CSN1S1: variants seen among roughly 807,000 people sequenced by gnomAD.
CSN1S1 encodes the protein casein alpha s1, also known as alpha-S1-casein.
In CSN1S1, 63 loss-of-function variants were observed where a neutral mutation model predicts 49.1. The observed-to-expected ratio is 1.28, with a 90% CI of 1.05 to 1.58. The LOEUF (loss-of-function observed/expected upper bound fraction) is 1.58, where lower values mean the gene tolerates loss of function less well. CSN1S1 is among the 40% of genes most tolerant of loss of function. CSN1S1 has a pLI of 0.00. For synonymous variants in CSN1S1, 78 were observed against 67.1 expected, an observed-to-expected ratio of 1.16 and a Z score of -0.79; for missense variants, 260 against 224.7, an observed-to-expected ratio of 1.16 and a Z score of -1.01.
intron 12 of CSN1S1, 80 bp from the exon 13 acceptor site, chr4:69,941,966 A>C: frequency 1.1e-6 from 1 of 883,352 alleles, no homozygotes; most frequent in Non-Finnish European, 1.7e-6. Context: ...CCCTGAACAA[A>C]TGAAGGTACC....
chr4:69,945,127 G>T (rs780557916), intron 15 of CSN1S1, 123 bp downstream of exon 15: 1 of 988,594 alleles, frequency 1.0e-6, no homozygotes, highest in Non-Finnish European at 1.5e-6. Context: ...TACTGCAAAG[G>T]ACTAATATGT....
intron 13 of CSN1S1, 163 bp from the exon 14 acceptor site, chr4:69,942,373 A>G (rs1722999014): frequency 5.9e-6 from 4 of 678,036 alleles, no homozygotes; most frequent in Non-Finnish European, 5.0e-6. Flanking sequence ...TTCTGACATT[A>G]GAAAATAAAA....
At chr4:69,941,870 G>C (rs1465646048) in intron 12 of CSN1S1, among the ~76,000 whole-genome samples, 176 bp from the exon 13 acceptor site, 1 of 151,790 alleles carries the variant, frequency 6.6e-6, no homozygotes, top group Non-Finnish European at 1.5e-5. Flanking sequence ...TGGCTAGTCT[G>C]TAACCTCCAC....
Position 69,940,125 on chromosome 4 carries a change from A to T in CSN1S1, c.300+81A>T, listed in dbSNP as rs1722928980. Reference sequence around the variant, plus strand: ...TGCACTTACTTTCACACACACACACACACACACACACACACACACACACAC... The same window carrying T: ...TGCACTTACTTTCACACACACACACTCACACACACACACACACACACACAC... On this transcript the variant is annotated intron_variant, in intron 11 of 15. Coordinates refer to ENST00000246891, the MANE Select transcript of CSN1S1 (RefSeq NM_001890.2). The T allele has an allele frequency of 1.6e-5, 8 of 498,510 alleles. 1 individual carries two copies. Among genetic ancestry groups the T allele is most frequent in the African/African-American group, 6.1e-5 (3 of 49,492 alleles). The allele number at this position is 498,510 out of a possible 1,614,324, so 30.9% of individuals were successfully genotyped here.
At chr4:69,938,991 C>T (rs991115103) in intron 9 of CSN1S1, among the ~76,000 whole-genome samples, 185 bp from the exon 10 acceptor site, 11 of 151,638 alleles carry the variant, frequency 7.3e-5, no homozygotes, top group African/African-American at 2.4e-4. Context: ...AAACCTACCA[C>T]CATAATTTTT....
chr4:69,941,021 AC>A lies in CSN1S1; in HGVS notation c.304del (p.Gln102SerfsTer5). 1 of 1,507,720 alleles carries A rather than the reference AC, an allele frequency of 6.6e-7. No individual in the cohort carries two copies. The allele number at this position is 1,507,720 out of a possible 1,614,324, so 93.4% of individuals were successfully genotyped here. On this transcript the variant is annotated frameshift_variant, in exon 12 of 16. Coordinates refer to ENST00000246891, the MANE Select transcript of CSN1S1 (RefSeq NM_001890.2). LOFTEE classifies it high-confidence loss of function. ...EEMSLSKCAE[Q>X]FCRLNEYNQL... ...AGAATATTTTTCTTTTTAAATAGGA[AC>A]AGTTTTGTAGACTGAACGAATACAA...
At chr4:69,932,105 T>A (rs1348831238) in intron 1 of CSN1S1, among the ~76,000 whole-genome samples, 1 of 151,934 alleles carries the variant, frequency 6.6e-6, no homozygotes, top group Non-Finnish European at 1.5e-5. Flanking sequence ...TTTCAAAACT[T>A]TTCAATAAAA....
intron 14 of CSN1S1, among the ~76,000 whole-genome samples, chr4:69,943,124 G>T (rs1723028030): frequency 6.7e-6 from 1 of 149,538 alleles, no homozygotes. Context: ...CTCTTCATTT[G>T]GGCCCCAAAG....
At chr4:69,942,627 A>C in intron 14 of CSN1S1, 50 bp downstream of exon 14, 1 of 1,444,130 alleles carries the variant, frequency 6.9e-7, no homozygotes, top group Non-Finnish European at 9.5e-7. Flanking sequence ...TGTTAAGCTT[A>C]AATATGTTTG....
chr4:69,932,889 T>C (rs1722652656), intron 2 of CSN1S1, among the ~76,000 whole-genome samples: 1 of 151,946 alleles, frequency 6.6e-6, no homozygotes. Flanking sequence ...AATAAGGTAA[T>C]GCACAACATA....
chr4:69,942,849 A>G lies in CSN1S1; in HGVS notation c.402+272A>G, dbSNP rs1220857. 4.5e-3 allele frequency among the ~76,000 whole-genome samples: 688 copies of G among 152,016 alleles called. 3 individuals carry two copies. The highest frequency in any genetic ancestry group is 0.017 in the Middle Eastern group (5 of 294). On this transcript the variant is annotated intron_variant, in intron 14 of 15. Coordinates refer to ENST00000246891, the MANE Select transcript of CSN1S1 (RefSeq NM_001890.2). ...AAAACTCCCATGTCTTGATGTTTAC[A>G]GTGACATATTGTGTCTTCACATTTA...
chr4:69,936,683 A>T, intron 7 of CSN1S1, 76 bp downstream of exon 7: 1 of 1,366,434 alleles, frequency 7.3e-7, no homozygotes, highest in Non-Finnish European at 1.0e-6. Flanking sequence ...CCTTTAGGAA[A>T]AAAAAGCATT....
intron 14 of CSN1S1, among the ~76,000 whole-genome samples, chr4:69,943,339 G>A (rs77760487): frequency 9.2e-5 from 14 of 151,708 alleles, no homozygotes; most frequent in East Asian, 7.8e-4. Flanking sequence ...CAAGCATCAC[G>A]ATGCCCAGCT....
intron 4 of CSN1S1, among the ~76,000 whole-genome samples, chr4:69,935,426 TGTG>T (rs1243293904): frequency 6.6e-6 from 1 of 150,990 alleles, no homozygotes; most frequent in Non-Finnish European, 1.5e-5. Flanking sequence ...GGCATGCACT[TGTG>T]GTTCCAGCTA....
At chr4:69,932,992 CTT>C (rs1438985565) in intron 2 of CSN1S1, among the ~76,000 whole-genome samples, 1 of 151,866 alleles carries the variant, frequency 6.6e-6, no homozygotes, top group African/African-American at 2.4e-5. Flanking sequence ...TCCAACATTT[CTT>C]TACCAAATAT....
At chr4:69,934,290 G>A in intron 3 of CSN1S1, 46 bp downstream of exon 3, 4 of 1,573,536 alleles carry the variant, frequency 2.5e-6, no homozygotes, top group Non-Finnish European at 3.5e-6. Context: ...TAATTGTGAA[G>A]CACAAACTCC....
intron 7 of CSN1S1, 49 bp downstream of exon 7, chr4:69,936,656 AG>A: frequency 6.6e-7 from 1 of 1,517,126 alleles, no homozygotes; most frequent in Non-Finnish European, 8.9e-7. Context: ...ATATTCTTGT[AG>A]TAGAAAAAAA....
rs573450060 is a variant in CSN1S1 at position 69,939,741 on chromosome 4, T to C, written c.277-280T>C. On this transcript the variant is annotated intron_variant, in intron 10 of 15. Coordinates refer to ENST00000246891, the MANE Select transcript of CSN1S1 (RefSeq NM_001890.2). ...TGCAAGTTACCAAAATAAAACCAACTCACTTAAGTGGGGTTTCTGTTAATT... is the reference window on the plus strand; with the variant it reads ...TGCAAGTTACCAAAATAAAACCAACCCACTTAAGTGGGGTTTCTGTTAATT... Among the ~76,000 whole-genome samples, 6 of 151,882 alleles carry C rather than the reference T, an allele frequency of 4.0e-5. No homozygotes were observed. The East Asian group carries it at 1.2e-3, about 30-fold the overall frequency.
At chr4:69,938,585 T>G (rs976173110) in intron 9 of CSN1S1, among the ~76,000 whole-genome samples, 2 of 151,754 alleles carry the variant, frequency 1.3e-5, no homozygotes, top group African/African-American at 4.8e-5. Context: ...AGATAAAGTC[T>G]GTTGAATATT....
Sources: allele counts gnomAD v4.1 joint callset (sites outside exome capture counted in the v4.1 genomes callset), GRCh38; gene constraint gnomAD v4.1.1; transcripts MANE v1.5; gene names NCBI Gene and HGNC (gene_info 2026-07-23, HGNC 2026-07-21).